CEP63: variants seen among roughly 807,000 people sequenced by gnomAD.
The protein encoded by CEP63 is centrosomal protein of 63 kDa.
A neutral mutation model predicts 89.1 loss-of-function variants in CEP63; 84 were observed. The ratio of observed to expected loss-of-function variants is 0.94; its 90% confidence interval spans 0.79 to 1.13. The LOEUF is 1.13. Among genes scored for constraint, CEP63 ranks in the 50% most tolerant of loss-of-function variants. The pLI, the probability that CEP63 is intolerant of heterozygous loss-of-function variation, is 0.00. For missense variants in CEP63, 838 were observed against 813.3 expected, an observed-to-expected ratio of 1.03 and a Z score of -0.37; for synonymous variants, 267 against 272.5, an observed-to-expected ratio of 0.98 and a Z score of 0.20.
chr3:134,490,389 AT>A (rs1448492012), intron 1 of CEP63, among the ~76,000 whole-genome samples: 4 of 152,152 alleles, frequency 2.6e-5, no homozygotes, highest in South Asian at 2.1e-4. Flanking sequence ...TTAACAGGCT[AT>A]TTTATTATCA....
intron 3 of CEP63, among the ~76,000 whole-genome samples, chr3:134,524,436 G>A (rs1402681488): frequency 6.6e-6 from 1 of 152,166 alleles, no homozygotes; most frequent in Non-Finnish European, 1.5e-5. Flanking sequence ...AATAGGAGTG[G>A]TGAGAGAGGG....
downstream of CEP63, among the ~76,000 whole-genome samples, chr3:134,579,222 A>C (rs1001605391): frequency 6.6e-6 from 1 of 152,222 alleles, no homozygotes; most frequent in African/African-American, 2.4e-5. Context: ...GCAACCAGTA[A>C]ATGAGAACCT....
At chr3:134,587,624 A>T (rs1445591606) in exon 11 of CEP63, among the ~76,000 whole-genome samples, 1 of 152,090 alleles carries the variant, frequency 6.6e-6, no homozygotes, top group Non-Finnish European at 1.5e-5. Flanking sequence ...CCCTACTGGG[A>T]GGTGTCTCTC....
chr3:134,652,453 C>A, the CEP63 span, among the ~76,000 whole-genome samples: 22 of 149,714 alleles, frequency 1.5e-4, no homozygotes, highest in East Asian at 7.9e-4. Context: ...CGCCCCCCCC[C>A]ACCACCCCAC....
the CEP63 span, among the ~76,000 whole-genome samples, chr3:134,750,612 C>T: frequency 6.6e-6 from 1 of 152,158 alleles, no homozygotes; most frequent in South Asian, 2.1e-4. Flanking sequence ...GAACTGCAGC[C>T]TCCCCTTGGA....
the CEP63 span, among the ~76,000 whole-genome samples, chr3:134,701,319 TATATACATATACACACAC>T: frequency 5.8e-4 from 59 of 101,788 alleles, 20 homozygotes; most frequent in South Asian, 1.1e-3. Flanking sequence ...TATATGTGTA[TATATACATATACACACAC>T]ATATACGTAT....
chr3:134,539,604 T>G (rs1951573168), intron 6 of CEP63, among the ~76,000 whole-genome samples: 1 of 152,204 alleles, frequency 6.6e-6, no homozygotes, highest in Non-Finnish European at 1.5e-5. Context: ...GTTGATGTAT[T>G]GCATTTGGTT....
the CEP63 span, among the ~76,000 whole-genome samples, chr3:134,774,933 C>A: frequency 0.12 from 17,647 of 152,068 alleles, 1,640 homozygotes; most frequent in South Asian, 0.32. Context: ...TGGAGTGCTG[C>A]GGGGTTGATG....
chr3:134,749,736 G>GAAAAAAAAAAAAAAAAA, the CEP63 span, among the ~76,000 whole-genome samples: 3 of 55,780 alleles, frequency 5.4e-5, no homozygotes, highest in African/African-American at 1.6e-4. Context: ...AAAAAAAAAG[G>GAAAAAAAAAAAAAAAAA]AAAATGATGC....
chr3:134,702,533 C>A, the CEP63 span, among the ~76,000 whole-genome samples: 1 of 152,106 alleles, frequency 6.6e-6, no homozygotes, highest in South Asian at 2.1e-4. Flanking sequence ...GACACATAGA[C>A]TAATGGAACA....
the CEP63 span, among the ~76,000 whole-genome samples, chr3:134,772,763 A>G: frequency 6.6e-6 from 1 of 152,228 alleles, no homozygotes; most frequent in South Asian, 2.1e-4. Context: ...CAAGCCTGCA[A>G]GCTTTTCCTT....
At chr3:134,522,669 G>A (rs1435532495) in intron 3 of CEP63, among the ~76,000 whole-genome samples, 4 of 151,964 alleles carry the variant, frequency 2.6e-5, no homozygotes, top group South Asian at 2.1e-4. Flanking sequence ...TGTCCCATGC[G>A]TTCTCATCAC....
the CEP63 span, among the ~76,000 whole-genome samples, chr3:134,678,223 T>C: frequency 6.6e-6 from 1 of 152,082 alleles, no homozygotes; most frequent in Non-Finnish European, 1.5e-5. Flanking sequence ...GTTGCTCTCC[T>C]GCCCTCCGCT....
At chr3:134,627,350 C>T in the CEP63 span, among the ~76,000 whole-genome samples, 1 of 152,178 alleles carries the variant, frequency 6.6e-6, no homozygotes, top group Non-Finnish European at 1.5e-5. Flanking sequence ...AGGGCAAAAG[C>T]AGGATTCCAA....
the CEP63 span, among the ~76,000 whole-genome samples, chr3:134,771,621 A>G: frequency 1.3e-5 from 2 of 152,306 alleles, no homozygotes; most frequent in East Asian, 3.9e-4. Flanking sequence ...TAAGGTATTC[A>G]TACACTGGGT....
chr3:134,778,343 C>T, the CEP63 span, among the ~76,000 whole-genome samples: 1 of 151,964 alleles, frequency 6.6e-6, no homozygotes, highest in Non-Finnish European at 1.5e-5. Context: ...GTGATCTGCC[C>T]ACCTCGCCCT....
At chr3:134,534,360 A>G (rs1950396636) in intron 5 of CEP63, among the ~76,000 whole-genome samples, 1 of 151,984 alleles carries the variant, frequency 6.6e-6, no homozygotes, top group African/African-American at 2.4e-5. Context: ...AATATATGCC[A>G]CCCCTCTAGA....
chr3:134,551,724 C>CATATATATATAT (rs71139540), intron 11 of CEP63, among the ~76,000 whole-genome samples: 2 of 81,528 alleles, frequency 2.5e-5, no homozygotes, highest in African/African-American at 7.8e-5. Context: ...TTAGAAAGTC[C>CATATATATATAT]ATATATATAT....
chr3:134,668,715 T>G, the CEP63 span, among the ~76,000 whole-genome samples: 1 of 152,224 alleles, frequency 6.6e-6, no homozygotes, highest in Non-Finnish European at 1.5e-5. Flanking sequence ...ACTCTATGGT[T>G]CTTCAGGTTG....
Sources: gnomAD v4.1 joint callset for allele counts (sites outside exome capture counted in the v4.1 genomes callset) on GRCh38, gnomAD v4.1.1 for gene constraint, MANE v1.5 for transcripts, NCBI Gene and HGNC (gene_info 2026-07-23, HGNC 2026-07-21) for gene names.